EXOC6: variants seen among roughly 807,000 people sequenced by gnomAD.
EXOC6 encodes SEC15-like 1.
A neutral mutation model predicts 112.5 loss-of-function variants in EXOC6; 60 were observed. The observed-to-expected ratio is 0.53, with a 90% CI of 0.43 to 0.66. The LOEUF (loss-of-function observed/expected upper bound fraction) is 0.66, where lower values mean the gene tolerates loss of function less well. Among genes scored for constraint, EXOC6 ranks in the 30% least tolerant of loss-of-function variants. The pLI is 0.00. For missense variants in EXOC6, 855 were observed against 957.1 expected, an observed-to-expected ratio of 0.89 and a Z score of 1.41; for synonymous variants, 295 against 308.0, an observed-to-expected ratio of 0.96 and a Z score of 0.44.
At position 92,954,632 on chromosome 10, in the gene EXOC6, C is replaced by T; in HGVS notation, c.1529C>T (p.Ser510Leu). The change falls in exon 16 of 22, where the codon TCA (serine) becomes TTA (leucine). Residue 510 changes from serine (S) to leucine (L), a missense_variant and splice_region_variant. Ser to Leu is a moderately radical substitution (Grantham distance 145). This residue lies in a region of EXOC6 where 450 missense variants were observed against 563.5 expected (regional missense o/e 0.80). Transcript: ENST00000260762. ...ATAATATCAATCTTTGTTTTTAGCT[C>T]AACAGAAATAGACGATATGCTTAGA... ...LKFSESLHRSSTEIDDMLRKS... is the reference protein window; with the variant it reads ...LKFSESLHRSLTEIDDMLRKS... 1 of 1,549,956 alleles carries T rather than the reference C, an allele frequency of 6.5e-7. No individual in the cohort carries two copies. The highest frequency in any genetic ancestry group is 8.9e-7 in the Non-Finnish European group (1 of 1,129,442).
chr10:92,936,161 A>G (rs553296995), intron 12 of EXOC6, among the ~76,000 whole-genome samples: 1 of 152,314 alleles, frequency 6.6e-6, no homozygotes, highest in South Asian at 2.1e-4. Flanking sequence ...AAGAATACAG[A>G]GTATAATGGA....
chr10:92,904,019 C>A (rs1850314324), intron 5 of EXOC6, among the ~76,000 whole-genome samples: 1 of 152,008 alleles, frequency 6.6e-6, no homozygotes, highest in African/African-American at 2.4e-5. Flanking sequence ...ATAGTTTTAT[C>A]TTTTCCAGAA....
intron 1 of EXOC6, chr10:92,877,949 A>G (rs1404164082): frequency 6.5e-6 from 1 of 153,706 alleles, no homozygotes; most frequent in Non-Finnish European, 1.5e-5. Context: ...GCAAAAAGCA[A>G]GCACTTAAGG....
intron 18 of EXOC6, among the ~76,000 whole-genome samples, chr10:92,975,136 G>C (rs992085925): frequency 5.9e-5 from 9 of 151,724 alleles, no homozygotes; most frequent in Non-Finnish European, 7.4e-5. Flanking sequence ...CCTCTTCCCG[G>C]CCGCCATCCC....
At chr10:92,975,323 T>C (rs1451561476) in intron 18 of EXOC6, among the ~76,000 whole-genome samples, 4 of 148,816 alleles carry the variant, frequency 2.7e-5, no homozygotes, top group South Asian at 4.3e-4. Flanking sequence ...GGAGACCCTC[T>C]GCCTGGCAAC....
At chr10:92,829,018 T>C (rs1564755071) in intron 1 of EXOC6, among the ~76,000 whole-genome samples, 1 of 152,110 alleles carries the variant, frequency 6.6e-6, no homozygotes, top group Non-Finnish European at 1.5e-5. Context: ...GAGTTACAGA[T>C]GTAGAAAGGC....
chr10:93,051,288 C>G (rs1209221691), intron 20 of EXOC6, among the ~76,000 whole-genome samples: 1 of 152,154 alleles, frequency 6.6e-6, no homozygotes, highest in Non-Finnish European at 1.5e-5. Context: ...AGACTAATTC[C>G]TTTAAGCAGC....
intron 1 of EXOC6, among the ~76,000 whole-genome samples, chr10:92,860,725 G>A (rs1037392456): frequency 6.6e-6 from 1 of 152,018 alleles, no homozygotes; most frequent in African/African-American, 2.4e-5. Flanking sequence ...TTCTGTTACG[G>A]GTTTATTTCA....
At chr10:92,944,699 C>T (rs61862322) in intron 13 of EXOC6, among the ~76,000 whole-genome samples, 1,721 of 152,234 alleles carry the variant, frequency 0.011, 19 homozygotes, top group Non-Finnish European at 0.017. Context: ...CCTTTCTCCA[C>T]ATCCTCACCA....
intron 14 of EXOC6, among the ~76,000 whole-genome samples, chr10:92,951,606 TA>T (rs1853418721): frequency 6.6e-6 from 1 of 152,146 alleles, no homozygotes; most frequent in Non-Finnish European, 1.5e-5. Flanking sequence ...AAGGGTATAT[TA>T]GACTTACTGA....
intron 20 of EXOC6, among the ~76,000 whole-genome samples, chr10:93,044,695 TA>T (rs1045240697): frequency 1.8e-4 from 28 of 152,318 alleles, no homozygotes; most frequent in African/African-American, 6.5e-4. Flanking sequence ...AATTGGAGTC[TA>T]TTTTTTTTCC....
chr10:92,834,673 A>G (rs1296157220), upstream of EXOC6: 1 of 1,257,142 alleles, frequency 8.0e-7, no homozygotes, highest in Non-Finnish European at 1.1e-6. Context: ...TTTTTTTTAT[A>G]AATTACAACA....
Position 92,834,716 on chromosome 10 carries a change from G to C in EXOC6, c.-23G>C, listed in dbSNP as rs1846607664. The C allele has an allele frequency of 3.8e-6, 6 of 1,589,666 alleles. No individual in the cohort carries two copies. The Admixed American group carries it at 7.0e-5, about 18-fold the overall frequency. ...ACTCAATATCTGACATCTGCAGCTG[G>C]AAAATTAGGGGCCTGTCGAGCGATG... On this transcript the variant is annotated 5_prime_UTR_variant, in exon 1 of 22. Transcript: ENST00000371552.
intron 1 of EXOC6, among the ~76,000 whole-genome samples, chr10:92,875,374 A>C (rs7089852): frequency 0.78 from 118,289 of 152,128 alleles, 47,019 homozygotes; most frequent in East Asian, 1. Context: ...TACACACACA[A>C]ATATATTTTA....
chr10:92,859,726 A>G (rs75032740), intron 1 of EXOC6, among the ~76,000 whole-genome samples: 460 of 152,272 alleles, frequency 3.0e-3, no homozygotes, highest in African/African-American at 0.01. Flanking sequence ...ACCTTGAGGT[A>G]GAGGGGCTGA....
At chr10:92,855,128 G>A (rs1451951219) in intron 1 of EXOC6, among the ~76,000 whole-genome samples, 1 of 152,118 alleles carries the variant, frequency 6.6e-6, no homozygotes, top group Non-Finnish European at 1.5e-5. Flanking sequence ...GTGTTGCCCA[G>A]ACTGATCTTG....
intron 4 of EXOC6, among the ~76,000 whole-genome samples, chr10:92,897,601 A>G (rs1849894843): frequency 6.6e-6 from 1 of 152,230 alleles, no homozygotes; most frequent in Admixed American, 6.5e-5. Context: ...CCCACTGGAA[A>G]TTCCTTATGG....
Position 92,952,550 on chromosome 10 carries a change from C to T in EXOC6, c.1526+168C>T, listed in dbSNP as rs548913360. ...TGCTGAGATTTGGGGTATGCTTGAACGTGTCACCCAGGTAGCGAGCATAGT... is the reference window on the plus strand; with the variant it reads ...TGCTGAGATTTGGGGTATGCTTGAATGTGTCACCCAGGTAGCGAGCATAGT... On this transcript the variant is annotated intron_variant, in intron 15 of 21. Coordinates refer to ENST00000260762, the MANE Select transcript of EXOC6 (RefSeq NM_019053.6). Among the ~76,000 whole-genome samples, 7 of 152,178 alleles carry T rather than the reference C, an allele frequency of 4.6e-5. No individual in the cohort carries two copies. In the East Asian group the frequency reaches 1.4e-3, roughly 29 times the overall value.
At chr10:93,009,947 T>C (rs1302099529) in intron 19 of EXOC6, among the ~76,000 whole-genome samples, 4 of 152,172 alleles carry the variant, frequency 2.6e-5, no homozygotes, top group African/African-American at 9.7e-5. Context: ...AAGAAGTGGA[T>C]GGAGAGGTTG....
Sources: gnomAD v4.1 joint callset for allele counts (sites outside exome capture counted in the v4.1 genomes callset) on GRCh38, gnomAD v4.1.1 for gene constraint, gnomAD v4.1.1 regional missense constraint, MANE v1.5 for transcripts, NCBI Gene and HGNC (gene_info 2026-07-23, HGNC 2026-07-21) for gene names.